The following SMCO2 variants were observed in gnomAD, a reference collection of about 807,000 sequenced individuals.
SMCO2 encodes the protein single-pass membrane and coiled-coil domain-containing protein 2.
A neutral mutation model predicts 29.5 loss-of-function variants in SMCO2; 25 were observed. The ratio of observed to expected loss-of-function variants is 0.85; its 90% CI spans 0.62 to 1.18. The LOEUF (loss-of-function observed/expected upper bound fraction) is 1.18. SMCO2 is among the 50% of genes most tolerant of loss of function. SMCO2 has a pLI of 0.00. For missense variants in SMCO2, 348 were observed against 344.5 expected (o/e 1.01, Z -0.08); for synonymous variants, 117 against 123.3 (o/e 0.95, Z 0.34).
chr12:27,474,022 C>G (rs185954702), intron 3 of SMCO2, among the ~76,000 whole-genome samples: 1 of 152,166 alleles, frequency 6.6e-6, no homozygotes, highest in Non-Finnish European at 1.5e-5. Context: ...CCCCCAAACT[C>G]TTTTTGATAT....
the SMCO2 span, among the ~76,000 whole-genome samples, chr12:27,449,159 C>T: frequency 6.6e-6 from 1 of 152,148 alleles, no homozygotes; most frequent in Non-Finnish European, 1.5e-5. Flanking sequence ...ATAAATCATG[C>T]CACCCCTGCA....
chr12:27,501,876 G>C, intron 7 of SMCO2, 47 bp from the exon 9 acceptor site: 7 of 1,403,906 alleles, frequency 5.0e-6, no homozygotes, highest in Non-Finnish European at 6.6e-6. Flanking sequence ...CTATCAATGT[G>C]ATTATTTTCA....
At chr12:27,474,620 A>G (rs1312523340) in intron 3 of SMCO2, among the ~76,000 whole-genome samples, 166 bp from the exon 4 acceptor site, 2 of 152,174 alleles carry the variant, frequency 1.3e-5, no homozygotes, top group African/African-American at 2.4e-5. Flanking sequence ...CTGTAGACAG[A>G]GCAGAAGGGC....
the SMCO2 span, among the ~76,000 whole-genome samples, chr12:27,430,494 C>T: frequency 2.0e-5 from 3 of 152,048 alleles, no homozygotes; most frequent in Admixed American, 2.0e-4. Flanking sequence ...ATTGCTCGAA[C>T]CCAGGAGGTT....
At chr12:27,498,001 C>T (rs969271853) in intron 7 of SMCO2, 2 of 286,392 alleles carry the variant, frequency 7.0e-6, no homozygotes, top group South Asian at 4.9e-5. Flanking sequence ...CAGTTCATCT[C>T]GTAGACCTGG....
At chr12:27,434,130 A>C in the SMCO2 span, among the ~76,000 whole-genome samples, 1 of 152,230 alleles carries the variant, frequency 6.6e-6, no homozygotes, top group East Asian at 1.9e-4. Flanking sequence ...CCTAGCGCCA[A>C]AACAGAATCC....
At chr12:27,459,610 G>A in the SMCO2 span, among the ~76,000 whole-genome samples, 9,506 of 152,022 alleles carry the variant, frequency 0.063, 877 homozygotes, top group African/African-American at 0.2. Flanking sequence ...CATGTACCCC[G>A]GAACCAAAAA....
Position 27,470,478 on chromosome 12 carries a change from G to T in SMCO2, c.-10-144G>T, listed in dbSNP as rs183446007. The T allele has an allele frequency of 1.6e-5, 13 of 837,370 alleles. No homozygotes were observed. The Admixed American group carries it at 3.8e-4, about 24-fold the overall frequency. The allele number at this position is 837,370 out of a possible 1,614,324, so 51.9% of individuals were successfully genotyped here. A position where few individuals can be genotyped will look rare whatever the true frequency, so the allele number is the denominator to read the frequency against. ...AGCAAAATCTAAGAGCTTGTTTTGG[G>T]GTCCTTTACGATGAACAGCCAGTTG... On this transcript the variant is annotated intron_variant, in intron 1 of 7. Transcript: ENST00000298876.
chr12:27,445,747 C>T, the SMCO2 span, among the ~76,000 whole-genome samples: 1 of 152,172 alleles, frequency 6.6e-6, no homozygotes, highest in Non-Finnish European at 1.5e-5. Context: ...CACGAAATAC[C>T]ACAGAGTGGG....
At chr12:27,484,579 G>T (rs1464944865) in intron 4 of SMCO2, among the ~76,000 whole-genome samples, 1 of 151,822 alleles carries the variant, frequency 6.6e-6, no homozygotes, top group East Asian at 1.9e-4. Flanking sequence ...CAAGAAGTTG[G>T]CTGTCATTCT....
At chr12:27,434,767 G>T in the SMCO2 span, among the ~76,000 whole-genome samples, 1 of 152,136 alleles carries the variant, frequency 6.6e-6, no homozygotes, top group African/African-American at 2.4e-5. Context: ...ATAAATAGAG[G>T]ACATTTTAAG....
At chr12:27,475,877 T>C in intron 4 of SMCO2, 146 bp downstream of exon 5, 1 of 917,028 alleles carries the variant, frequency 1.1e-6, no homozygotes, top group Non-Finnish European at 1.5e-6. Flanking sequence ...CTTTTGCTCA[T>C]TTAAAAAATT....
chr12:27,488,996 G>A (rs555091749), intron 5 of SMCO2, among the ~76,000 whole-genome samples: 1 of 152,094 alleles, frequency 6.6e-6, no homozygotes, highest in African/African-American at 2.4e-5. Context: ...CTGATGTTGT[G>A]TCTCCTCACA....
the SMCO2 span, among the ~76,000 whole-genome samples, chr12:27,459,944 C>A: frequency 6.6e-6 from 1 of 152,192 alleles, no homozygotes; most frequent in Admixed American, 6.5e-5. Flanking sequence ...GCTAAAACCT[C>A]AGGATTCTGT....
At chr12:27,482,461 TG>T (rs1024490274) in intron 4 of SMCO2, among the ~76,000 whole-genome samples, 8 of 152,136 alleles carry the variant, frequency 5.3e-5, no homozygotes, top group African/African-American at 1.7e-4. Flanking sequence ...CCACCATGCC[TG>T]GCTAATTTTT....
upstream of SMCO2, among the ~76,000 whole-genome samples, chr12:27,463,681 A>G (rs189899706): frequency 3.5e-4 from 53 of 152,332 alleles, no homozygotes; most frequent in African/African-American, 1.1e-3. Flanking sequence ...ACTGTTCCCA[A>G]CCCACCACGG....
the SMCO2 span, among the ~76,000 whole-genome samples, chr12:27,430,052 TC>T: frequency 6.6e-6 from 1 of 152,160 alleles, no homozygotes; most frequent in South Asian, 2.1e-4. Context: ...GATACAGGAG[TC>T]TATTTTTCTT....
chr12:27,455,518 T>G, the SMCO2 span, among the ~76,000 whole-genome samples: 1 of 152,228 alleles, frequency 6.6e-6, no homozygotes, highest in African/African-American at 2.4e-5. Context: ...TATTATCTTT[T>G]TGATCAACTT....
chr12:27,492,735 G>A (rs1344486846), intron 5 of SMCO2, among the ~76,000 whole-genome samples: 2 of 152,156 alleles, frequency 1.3e-5, no homozygotes, highest in Non-Finnish European at 2.9e-5. Context: ...CAGTGGGTGG[G>A]AGTGTAAATT....
Sources: gnomAD v4.1 joint callset for allele counts (sites outside exome capture counted in the v4.1 genomes callset) on GRCh38, gnomAD v4.1.1 for gene constraint, MANE v1.5 for transcripts, NCBI Gene and HGNC (gene_info 2026-07-23, HGNC 2026-07-21) for gene names.